Variants in AASS observed in about 807,000 individuals in gnomAD.
AASS encodes the protein aminoadipate-semialdehyde synthase, also known as alpha-aminoadipic semialdehyde synthase, mitochondrial.
Under a neutral mutation model 105.4 loss-of-function variants are expected in AASS, and 86 were observed. The ratio of observed to expected loss-of-function variants is 0.82; its 90% confidence interval spans 0.69 to 0.98. AASS has a LOEUF of 0.98. Ranked by LOEUF, AASS falls within the 50% of genes least tolerant of loss-of-function variation. The pLI is 0.00. For missense variants in AASS, 1,048 were observed against 1,143.2 expected (o/e 0.92, Z 1.20); for synonymous variants, 381 against 394.8 (o/e 0.96, Z 0.41).
At chr7:122,112,943 A>C (rs1009867686) in intron 11 of AASS, among the ~76,000 whole-genome samples, 175 bp downstream of exon 11, 2 of 152,216 alleles carry the variant, frequency 1.3e-5, no homozygotes, top group African/African-American at 4.8e-5. Flanking sequence ...ATACCCCAAG[A>C]GACAAGTAAG....
intron 1 of AASS, among the ~76,000 whole-genome samples, chr7:122,134,932 T>G (rs1223821394): frequency 1.3e-5 from 2 of 152,140 alleles, no homozygotes; most frequent in Non-Finnish European, 2.9e-5. Flanking sequence ...CACCATGGAA[T>G]ACTATGCAGC....
intron 11 of AASS, among the ~76,000 whole-genome samples, chr7:122,112,570 G>A (rs1794989026): frequency 6.6e-6 from 1 of 152,066 alleles, no homozygotes; most frequent in Non-Finnish European, 1.5e-5. Flanking sequence ...AAGCAGGAAG[G>A]CTATGAATGC....
At chr7:122,116,484 G>T (rs1795181216) in intron 8 of AASS, 149 bp downstream of exon 8, 1 of 939,736 alleles carries the variant, frequency 1.1e-6, no homozygotes, top group Non-Finnish European at 1.6e-6. Flanking sequence ...CATAAAAGAT[G>T]ATAGCTCCAA....
chr7:122,095,708 A>T (rs1794121164), intron 15 of AASS, among the ~76,000 whole-genome samples: 1 of 152,070 alleles, frequency 6.6e-6, no homozygotes, highest in South Asian at 2.1e-4. Flanking sequence ...ATCAGTATCA[A>T]AAGCTCCTGG....
chr7:122,088,015 T>C (rs1220404278), intron 18 of AASS, among the ~76,000 whole-genome samples: 2 of 152,194 alleles, frequency 1.3e-5, no homozygotes, highest in Non-Finnish European at 2.9e-5. Context: ...TATTCATTCG[T>C]AGTTGTATTT....
chr7:122,129,105 G>T (rs1229077705), intron 3 of AASS, among the ~76,000 whole-genome samples: 2 of 151,974 alleles, frequency 1.3e-5, no homozygotes, highest in African/African-American at 4.8e-5. Flanking sequence ...GAAAAACAAG[G>T]TAGTAGATTA....
intron 5 of AASS, 30 bp downstream of exon 5, chr7:122,118,532 CA>C (rs767382596): frequency 6.2e-7 from 1 of 1,613,888 alleles, no homozygotes. Context: ...GATGTGTTTT[CA>C]AAAAAATTAG....
intron 22 of AASS, among the ~76,000 whole-genome samples, chr7:122,078,324 A>G (rs1419114324): frequency 6.6e-6 from 1 of 152,150 alleles, no homozygotes; most frequent in Non-Finnish European, 1.5e-5. Context: ...ATTAAAAAAA[A>G]AAAGTAATGT....
Position 122,133,895 on chromosome 7 carries a change from G to A in AASS, c.-15-154C>T, listed in dbSNP as rs867416287. On this transcript the variant is annotated intron_variant, in intron 1 of 23. Coordinates refer to ENST00000417368, the MANE Select transcript of AASS (RefSeq NM_005763.4). The stretch of plus-strand genomic sequence containing the variant: ...GGAAGGGAAAACTGGGATGTCAAGT[G>A]TTCCTTTAAAGCCAAGTTTTCAAAA... The A allele has an allele frequency of 2.8e-4, 198 of 713,072 alleles. 1 individual carries two copies. In the Middle Eastern group the frequency reaches 8.2e-3, roughly 30 times the overall value. 44.2% of individuals were successfully genotyped at this position (713,072 alleles called of 1,614,324 possible). A position where few individuals can be genotyped will look rare whatever the true frequency, so the allele number is the denominator to read the frequency against.
intron 11 of AASS, among the ~76,000 whole-genome samples, chr7:122,109,280 C>T (rs1403760217): frequency 6.8e-6 from 1 of 147,664 alleles, no homozygotes; most frequent in Non-Finnish European, 1.5e-5. Context: ...TGATAATCTT[C>T]ACAGAAATAG....
chr7:122,113,303 T>G, intron 10 of AASS, 74 bp from the exon 11 acceptor site: 1 of 1,283,084 alleles, frequency 7.8e-7, no homozygotes, highest in Non-Finnish European at 1.1e-6. Context: ...AGATGTCTAC[T>G]CCACTATATT....
At chr7:122,086,285 AT>A (rs1793621046) in intron 18 of AASS, 106 bp from the exon 19 acceptor site, 204 of 1,127,882 alleles carry the variant, frequency 1.8e-4, no homozygotes, top group Non-Finnish European at 2.1e-4. Flanking sequence ...GAAAAAAAAA[AT>A]AAAAATAATG....
Position 122,093,176 on chromosome 7 carries a change from A to G in AASS, c.1656-18T>C, listed in dbSNP as rs1163753771. 1.3e-6 allele frequency: 2 copies of G among 1,567,118 alleles called. No individual in the cohort carries two copies. The highest frequency in any genetic ancestry group is 1.1e-5 in the South Asian group (1 of 90,098). ...GCAACAAGCTTGAAAACAGGAAGAA[A>G]CTAATCAGAAACTCCCTTTTTCAAC... On this transcript the variant is annotated intron_variant, in intron 15 of 23. Coordinates refer to ENST00000417368, the MANE Select transcript of AASS (RefSeq NM_005763.4).
Position 122,118,330 on chromosome 7 carries a change from T to C in AASS, c.664A>G (p.Thr222Ala). ...KSIGPLTFVF[T>A]GTGNVSKGAQ... ...ACCTTAGAAACATTACCAGTTCCTG[T>C]GAACACAAATGTTAAGGGTCCTATT... The change falls in exon 6 of 24, where the codon ACA (threonine) becomes GCA (alanine). Residue 222 changes from threonine (T) to alanine (A), a missense_variant. Physicochemically the swap from Thr to Ala is moderately conservative, Grantham distance 58. Coordinates refer to ENST00000417368, the MANE Select transcript of AASS (RefSeq NM_005763.4). 1 of 1,614,152 alleles carries C rather than the reference T, an allele frequency of 6.2e-7. No homozygotes were observed. Among genetic ancestry groups the C allele is most frequent in the African/African-American group, 1.3e-5 (1 of 75,044 alleles).
intron 11 of AASS, among the ~76,000 whole-genome samples, chr7:122,104,264 GGTA>G (rs1239188332): frequency 6.6e-6 from 1 of 150,774 alleles, no homozygotes; most frequent in Non-Finnish European, 1.5e-5. Flanking sequence ...AAGAAAATGT[GGTA>G]TATATACACC....
At chr7:122,124,804 A>G (rs1213041310) in intron 4 of AASS, among the ~76,000 whole-genome samples, 1 of 152,220 alleles carries the variant, frequency 6.6e-6, no homozygotes, top group Admixed American at 6.5e-5. Context: ...AATCATAGTC[A>G]TCAGAGGTCT....
At chr7:122,101,334 T>G in intron 13 of AASS, 37 bp downstream of exon 13, 1 of 1,493,506 alleles carries the variant, frequency 6.7e-7, no homozygotes. Context: ...AAGATAAGAA[T>G]AAATGTATAA....
At chr7:122,114,165 A>T (rs1428702806) in intron 9 of AASS, among the ~76,000 whole-genome samples, 1 of 152,132 alleles carries the variant, frequency 6.6e-6, no homozygotes, top group Non-Finnish European at 1.5e-5. Context: ...GTTGACTACA[A>T]TTTTTCTGCC....
intron 6 of AASS, 103 bp from the exon 7 acceptor site, chr7:122,117,060 C>T: frequency 9.8e-7 from 1 of 1,018,990 alleles, no homozygotes; most frequent in Non-Finnish European, 1.5e-6. Context: ...CATAGCTCCA[C>T]TTGCCTTCCC....
Sources: allele counts gnomAD v4.1 joint callset (sites outside exome capture counted in the v4.1 genomes callset), GRCh38; gene constraint gnomAD v4.1.1; transcripts MANE v1.5; gene names NCBI Gene and HGNC (gene_info 2026-07-23, HGNC 2026-07-21).